The following SYN3 variants were observed in gnomAD, a reference collection of about 807,000 sequenced individuals.
SYN3 encodes the protein synapsin-3.
Under a neutral mutation model 65.8 loss-of-function variants are expected in SYN3, and 35 were observed. The ratio of observed to expected loss-of-function variants is 0.53; its 90% CI spans 0.41 to 0.70. The LOEUF (loss-of-function observed/expected upper bound fraction) is 0.70, where lower values mean the gene tolerates loss of function less well. Among genes scored for constraint, SYN3 ranks in the 30% least tolerant of loss-of-function variants. The pLI is 0.00. For missense variants in SYN3, 680 were observed against 749.0 expected (o/e 0.91, Z 1.08); for synonymous variants, 270 against 292.9 (o/e 0.92, Z 0.80).
intron 7 of SYN3, among the ~76,000 whole-genome samples, chr22:32,552,702 G>C (rs775451592): frequency 6.6e-6 from 1 of 152,094 alleles, no homozygotes; most frequent in Non-Finnish European, 1.5e-5. Context: ...AGCACGAGGT[G>C]CCTAAGAGAT....
chr22:32,972,554 C>T (rs2052050732), intron 3 of SYN3, among the ~76,000 whole-genome samples: 1 of 152,198 alleles, frequency 6.6e-6, no homozygotes, highest in Admixed American at 6.5e-5. Flanking sequence ...AATTTCAGCT[C>T]ATTTCTACCA....
intron 1 of SYN3, among the ~76,000 whole-genome samples, chr22:33,046,841 TAAAAAA>T (rs71187229): frequency 1.2e-4 from 11 of 92,786 alleles, no homozygotes; most frequent in Admixed American, 2.7e-4. Flanking sequence ...AGTCTCTGTT[TAAAAAA>T]AAAAAAAAAA....
intron 4 of SYN3, among the ~76,000 whole-genome samples, chr22:32,921,495 C>G (rs796532932): frequency 2.0e-5 from 3 of 152,272 alleles, no homozygotes; most frequent in African/African-American, 7.2e-5. Context: ...CCACTCACGC[C>G]AGCCTGGTGT....
chr22:32,765,161 G>C (rs943692953), intron 6 of SYN3, among the ~76,000 whole-genome samples: 32 of 152,264 alleles, frequency 2.1e-4, no homozygotes, highest in African/African-American at 7.5e-4. Context: ...CAGAGGGCCA[G>C]AGAGGCAGTG....
At chr22:32,904,528 G>GT (rs927739993) in intron 4 of SYN3, among the ~76,000 whole-genome samples, 122 of 146,552 alleles carry the variant, frequency 8.3e-4, no homozygotes, top group East Asian at 1.6e-3. Flanking sequence ...CAAGTTTTTT[G>GT]TTTTTTTTTT....
At chr22:32,962,918 A>AT (rs1242426536) in intron 3 of SYN3, among the ~76,000 whole-genome samples, 1 of 150,912 alleles carries the variant, frequency 6.6e-6, no homozygotes, top group Admixed American at 6.6e-5. Context: ...TTTATCTATC[A>AT]ATATAGATAA....
chr22:32,624,135 G>A (rs1422892884), intron 6 of SYN3, among the ~76,000 whole-genome samples: 1 of 152,234 alleles, frequency 6.6e-6, no homozygotes, highest in Non-Finnish European at 1.5e-5. Context: ...TTGCTTTTCT[G>A]AAACATGGGG....
chr22:32,688,499 G>A (rs2060621642), intron 6 of SYN3, among the ~76,000 whole-genome samples: 1 of 152,074 alleles, frequency 6.6e-6, no homozygotes, highest in Non-Finnish European at 1.5e-5. Context: ...GAAAACTCTT[G>A]ATCCTCTCTG....
At position 32,989,606 on chromosome 22, in the gene SYN3, G is replaced by A. The variant is rs530333166; in HGVS notation, c.312-8904C>T. 3.9e-3 allele frequency among the ~76,000 whole-genome samples: 586 copies of A among 152,008 alleles called. 3 individuals are homozygous for A. The highest frequency in any genetic ancestry group is 0.013 in the African/African-American group (542 of 41,472). On this transcript the variant is annotated intron_variant, in intron 2 of 13. Transcript: ENST00000358763. ...TCCCAGCACTTTGGGAGGCCGAGGC[G>A]GGTGGATCACCTGAGGTCAGGAGTT...
intron 7 of SYN3, among the ~76,000 whole-genome samples, chr22:32,565,310 T>C (rs554678042): frequency 2.3e-4 from 35 of 152,342 alleles, no homozygotes; most frequent in African/African-American, 5.8e-4. Context: ...GTCTAAAGCA[T>C]TGTTGTCTCT....
At chr22:32,681,852 T>TA (rs2060526619) in intron 6 of SYN3, among the ~76,000 whole-genome samples, 1 of 151,894 alleles carries the variant, frequency 6.6e-6, no homozygotes, top group African/African-American at 2.4e-5. Flanking sequence ...TACTAGAAAG[T>TA]AAAAAGAGGT....
At chr22:32,814,131 TGTGTGTGTGTGAGAGAGAGAGAGA>T (rs1428394725) in intron 6 of SYN3, among the ~76,000 whole-genome samples, 2 of 134,582 alleles carry the variant, frequency 1.5e-5, no homozygotes, top group African/African-American at 2.8e-5. Context: ...TGTGTGTGTG[TGTGTGTGTGTGAGAGAGAGAGAGA>T]GAGAGAGAGA....
intron 6 of SYN3, among the ~76,000 whole-genome samples, chr22:32,683,805 G>A (rs1601908049): frequency 1.3e-5 from 2 of 152,262 alleles, no homozygotes; most frequent in East Asian, 3.9e-4. Flanking sequence ...TTTTTTATGT[G>A]TGTTGGGGGG....
chr22:32,778,735 G>A (rs62232899), intron 6 of SYN3, among the ~76,000 whole-genome samples: 11,783 of 152,154 alleles, frequency 0.077, 465 homozygotes, highest in African/African-American at 0.11. Flanking sequence ...AAGAAAGTGC[G>A]TCAAAATGCA....
At chr22:32,931,583 AG>A in intron 3 of SYN3, 102 bp from the exon 4 acceptor site, 3 of 753,230 alleles carry the variant, frequency 4.0e-6, no homozygotes, top group Non-Finnish European at 7.0e-6. Context: ...ACACCTTTAA[AG>A]CTCCCCTCAA....
intron 6 of SYN3, among the ~76,000 whole-genome samples, chr22:32,813,763 T>C (rs988009393): frequency 7.9e-5 from 12 of 152,112 alleles, no homozygotes; most frequent in African/African-American, 2.7e-4. Flanking sequence ...CTTGGCCTCG[T>C]TCATGGCTAG....
chr22:32,879,004 A>T lies in SYN3; in HGVS notation c.462-9879T>A, dbSNP rs78732824. ...TAAATGTTGACAATGCACTTAAAAAATTTTTGAAAATCACTATACTGACTG... is the reference window on the plus strand; with the variant it reads ...TAAATGTTGACAATGCACTTAAAAATTTTTTGAAAATCACTATACTGACTG... On this transcript the variant is annotated intron_variant, in intron 4 of 13. Transcript: ENST00000358763. 8.6e-3 allele frequency among the ~76,000 whole-genome samples: 1,314 copies of T among 152,286 alleles called. 18 individuals are homozygous for T. The highest frequency in any genetic ancestry group is 0.03 in the African/African-American group (1,244 of 41,554).
chr22:32,708,738 G>C (rs2060913822), intron 6 of SYN3, among the ~76,000 whole-genome samples: 1 of 152,178 alleles, frequency 6.6e-6, no homozygotes, highest in African/African-American at 2.4e-5. Context: ...CTTCCAAGAG[G>C]AAGGCACCCA....
intron 7 of SYN3, among the ~76,000 whole-genome samples, chr22:32,559,780 A>G (rs1182705421): frequency 6.6e-6 from 1 of 151,694 alleles, no homozygotes; most frequent in Non-Finnish European, 1.5e-5. Context: ...CAGTGTGCCC[A>G]GATAGCGCCA....
Sources: gnomAD v4.1 joint callset for allele counts (sites outside exome capture counted in the v4.1 genomes callset) on GRCh38, gnomAD v4.1.1 for gene constraint, MANE v1.5 for transcripts, NCBI Gene and HGNC (gene_info 2026-07-23, HGNC 2026-07-21) for gene names.